The following IMMP2L variants were observed in gnomAD, a reference collection of about 807,000 sequenced individuals.
IMMP2L encodes inner mitochondrial membrane peptidase subunit 2.
In IMMP2L, 18 loss-of-function variants were observed where a neutral mutation model predicts 19.3. The observed-to-expected ratio is 0.93, with a 90% confidence interval of 0.64 to 1.38. The LOEUF (loss-of-function observed/expected upper bound fraction) is 1.38, where lower values mean the gene tolerates loss of function less well. Ranked by LOEUF, IMMP2L falls within the 40% of genes most tolerant of loss-of-function variation. The pLI, the probability that IMMP2L is intolerant of heterozygous loss-of-function variation, is 0.00. For missense variants in IMMP2L, 233 were observed against 218.2 expected, an observed-to-expected ratio of 1.07 and a Z score of -0.43; for synonymous variants, 76 against 73.0, an observed-to-expected ratio of 1.04 and a Z score of -0.21.
At chr7:111,023,551 A>T (rs2129567321) in intron 3 of IMMP2L, among the ~76,000 whole-genome samples, 1 of 152,042 alleles carries the variant, frequency 6.6e-6, no homozygotes, top group African/African-American at 2.4e-5. Context: ...TACAAAAAAA[A>T]AAAAAAAAAT....
chr7:111,549,229 T>C (rs1849220611), intron 1 of IMMP2L, among the ~76,000 whole-genome samples: 1 of 152,196 alleles, frequency 6.6e-6, no homozygotes, highest in Admixed American at 6.6e-5. Flanking sequence ...TAACCAAGTC[T>C]GACTCATTAA....
chr7:110,980,485 G>T (rs921109208), intron 3 of IMMP2L, among the ~76,000 whole-genome samples: 1 of 151,806 alleles, frequency 6.6e-6, no homozygotes, highest in African/African-American at 2.4e-5. Flanking sequence ...CAGAGTGCTG[G>T]GATTACAAGC....
At chr7:110,770,703 A>G (rs1212580100) in intron 5 of IMMP2L, among the ~76,000 whole-genome samples, 4 of 152,176 alleles carry the variant, frequency 2.6e-5, no homozygotes, top group Non-Finnish European at 5.9e-5. Context: ...GGCAACTATT[A>G]CATTAAAGAT....
rs187751736 is a variant in IMMP2L, at chr7:111,538,382, T to C, written c.-2-16933A>G. On this transcript the variant is annotated intron_variant, in intron 1 of 5. Transcript: ENST00000405709. ...TGTGTTAGTTTGTGTGTGTGGTGTATGTACACACAAATGACTGTCTCCATC... is the reference window on the plus strand; with the variant it reads ...TGTGTTAGTTTGTGTGTGTGGTGTACGTACACACAAATGACTGTCTCCATC... 4.3e-4 allele frequency among the ~76,000 whole-genome samples: 66 copies of C among 152,244 alleles called. 1 individual carries two copies. The highest frequency in any genetic ancestry group is 1.4e-3 in the African/African-American group (57 of 41,552).
intron 2 of IMMP2L, among the ~76,000 whole-genome samples, chr7:111,503,388 G>C (rs1585395780): frequency 6.6e-6 from 1 of 151,804 alleles, no homozygotes; most frequent in Non-Finnish European, 1.5e-5. Flanking sequence ...TTCTACCAGA[G>C]GTACAAGGAG....
At chr7:111,415,141 C>A (rs1354067833) in intron 3 of IMMP2L, among the ~76,000 whole-genome samples, 1 of 151,802 alleles carries the variant, frequency 6.6e-6, no homozygotes, top group Non-Finnish European at 1.5e-5. Context: ...CTTGAGAGAG[C>A]TTTTCCTGTT....
chr7:111,381,084 C>T (rs1831155166), intron 3 of IMMP2L, among the ~76,000 whole-genome samples: 1 of 151,962 alleles, frequency 6.6e-6, no homozygotes, highest in Non-Finnish European at 1.5e-5. Context: ...AGTGCTGAAA[C>T]ACCACGCGAA....
intron 3 of IMMP2L, chr7:111,411,405 T>C (rs1243740765): frequency 4.1e-6 from 2 of 488,782 alleles, no homozygotes; most frequent in East Asian, 1.2e-4. Context: ...CCCGTGAAAG[T>C]GACCATCAAG....
At chr7:111,249,951 A>G (rs1255511746) in intron 3 of IMMP2L, among the ~76,000 whole-genome samples, 2 of 152,180 alleles carry the variant, frequency 1.3e-5, no homozygotes, top group Admixed American at 6.5e-5. Context: ...AAACAGGAAG[A>G]GAAGAAGTCA....
chr7:110,954,442 C>A (rs139208874), intron 4 of IMMP2L, among the ~76,000 whole-genome samples: 1 of 152,020 alleles, frequency 6.6e-6, no homozygotes, highest in Non-Finnish European at 1.5e-5. Context: ...GTTTAACACA[C>A]AGGAAATATT....
At chr7:111,011,711 G>A (rs957914008) in intron 3 of IMMP2L, among the ~76,000 whole-genome samples, 1 of 152,168 alleles carries the variant, frequency 6.6e-6, no homozygotes, top group Non-Finnish European at 1.5e-5. Context: ...GAGTGTCAGT[G>A]AGTGTTTTCT....
chr7:111,086,242 A>G (rs1355896986), intron 3 of IMMP2L, among the ~76,000 whole-genome samples: 1 of 150,620 alleles, frequency 6.6e-6, no homozygotes, highest in Non-Finnish European at 1.5e-5. Context: ...GAGAGACCCC[A>G]TCTCTACTCA....
intron 3 of IMMP2L, among the ~76,000 whole-genome samples, chr7:111,275,932 G>GT (rs1818990953): frequency 6.6e-6 from 1 of 152,064 alleles, no homozygotes; most frequent in South Asian, 2.1e-4. Flanking sequence ...AATTCTAAGA[G>GT]TTGTTCAGTG....
At chr7:111,356,721 C>T (rs562140566) in intron 3 of IMMP2L, among the ~76,000 whole-genome samples, 1 of 152,142 alleles carries the variant, frequency 6.6e-6, no homozygotes, top group Admixed American at 6.6e-5. Flanking sequence ...TATTTTTATT[C>T]ATAAGATTTT....
intron 3 of IMMP2L, among the ~76,000 whole-genome samples, chr7:111,458,756 C>G (rs917980839): frequency 6.6e-6 from 1 of 152,148 alleles, no homozygotes; most frequent in Non-Finnish European, 1.5e-5. Flanking sequence ...GATCAACTAA[C>G]ATTTCCATAC....
chr7:111,288,585 C>A (rs561861659), intron 3 of IMMP2L, among the ~76,000 whole-genome samples: 3 of 152,242 alleles, frequency 2.0e-5, no homozygotes, highest in Non-Finnish European at 4.4e-5. Context: ...CCAGAAAAAA[C>A]AACCCCATCA....
intron 5 of IMMP2L, among the ~76,000 whole-genome samples, chr7:110,736,327 TG>T (rs1356122461): frequency 1.3e-5 from 2 of 152,144 alleles, no homozygotes; most frequent in African/African-American, 4.8e-5. Context: ...GAGTCCCCAT[TG>T]GGGCAATGCT....
intron 4 of IMMP2L, among the ~76,000 whole-genome samples, chr7:110,948,904 C>G (rs908712525): frequency 6.6e-6 from 1 of 152,168 alleles, no homozygotes; most frequent in Admixed American, 6.5e-5. Context: ...AATTTCCTCT[C>G]TCTCCTAGAG....
intron 5 of IMMP2L, among the ~76,000 whole-genome samples, chr7:110,793,652 T>C (rs1193183359): frequency 6.6e-6 from 1 of 152,020 alleles, no homozygotes; most frequent in Admixed American, 6.6e-5. Flanking sequence ...TGAGTAAGTC[T>C]AGAGATGTAA....
Sources: allele counts gnomAD v4.1 joint callset (sites outside exome capture counted in the v4.1 genomes callset), GRCh38; gene constraint gnomAD v4.1.1; transcripts MANE v1.5; gene names NCBI Gene and HGNC (gene_info 2026-07-23, HGNC 2026-07-21).